The following GIGYF2 variants were observed in gnomAD, a reference collection of about 807,000 sequenced individuals.
GIGYF2 encodes GRB10 interacting GYF protein 2, also known as GRB10-interacting GYF protein 2.
In GIGYF2, 25 loss-of-function variants were observed where a neutral mutation model predicts 208.1. That is an observed-to-expected ratio of 0.12 (90% CI 0.09 to 0.17). The LOEUF (loss-of-function observed/expected upper bound fraction) is 0.17. Among genes scored for constraint, GIGYF2 ranks in the 10% least tolerant of loss-of-function variants. The pLI is 1.00. For missense variants in GIGYF2, 1,302 were observed against 1,579.4 expected, an observed-to-expected ratio of 0.82 and a Z score of 2.98; for synonymous variants, 534 against 543.8, an observed-to-expected ratio of 0.98 and a Z score of 0.25.
intron 14 of GIGYF2, 68 bp downstream of exon 14, chr2:232,796,289 ATTTG>A: frequency 2.0e-6 from 2 of 1,003,148 alleles, no homozygotes; most frequent in Admixed American, 1.7e-5. Flanking sequence ...CTAAGAAGGG[ATTTG>A]TTTAATTTAA....
rs1027680344 is a variant in GIGYF2 at position 232,791,066 on chromosome 2, A to G, written c.989A>G (p.Glu330Gly). ...GAGATGGACTTCCGGCCTGTGGACG[A>G]AGGGGAGGAGTGCTCTGACTCTGAG... ...EQEMDFRPVDEGEECSDSEGS... is the reference protein window; with the variant it reads ...EQEMDFRPVDGGEECSDSEGS... The change falls in exon 11 of 29, where the codon GAA becomes GGA. Residue 330 changes from glutamate to glycine, a missense_variant. Glu to Gly is a moderately conservative substitution (Grantham distance 98, BLOSUM62 -2). Coordinates refer to ENST00000373563, the MANE Select transcript of GIGYF2 (RefSeq NM_001103146.3). 3 of 1,614,058 alleles carry G rather than the reference A, an allele frequency of 1.9e-6. No individual in the cohort carries two copies. In the East Asian group the frequency reaches 6.7e-5, roughly 36 times the overall value.
chr2:232,797,562 A>G (rs1184805022), intron 14 of GIGYF2, among the ~76,000 whole-genome samples: 1 of 151,954 alleles, frequency 6.6e-6, no homozygotes, highest in Non-Finnish European at 1.5e-5. Flanking sequence ...TCATAGCTAT[A>G]TATGTAATTA....
chr2:232,773,370 C>T (rs1004559060), intron 8 of GIGYF2, among the ~76,000 whole-genome samples: 5 of 152,090 alleles, frequency 3.3e-5, no homozygotes, highest in East Asian at 1.9e-4. Flanking sequence ...CAGATGAAGT[C>T]ACTGGTGCTC....
chr2:232,843,736 AT>A (rs1701902207), intron 23 of GIGYF2, among the ~76,000 whole-genome samples: 1 of 151,778 alleles, frequency 6.6e-6, no homozygotes, highest in African/African-American at 2.4e-5. Flanking sequence ...TTAACCGGGC[AT>A]TGTGGCTTGA....
chr2:232,714,476 T>C (rs890552832), intron 2 of GIGYF2, among the ~76,000 whole-genome samples: 1 of 152,174 alleles, frequency 6.6e-6, no homozygotes, highest in African/African-American at 2.4e-5. Context: ...GGGGGTGCAG[T>C]CTATTTACTT....
intron 12 of GIGYF2, 64 bp from the exon 13 acceptor site, chr2:232,794,684 T>C (rs1700170827): frequency 7.9e-7 from 1 of 1,259,570 alleles, no homozygotes; most frequent in Non-Finnish European, 1.2e-6. Flanking sequence ...GACTTGATAA[T>C]GTAGTTAGCC....
intron 2 of GIGYF2, among the ~76,000 whole-genome samples, chr2:232,726,368 CA>C (rs1295867270): frequency 0.034 from 3,037 of 89,130 alleles, 57 homozygotes; most frequent in African/African-American, 0.087. Flanking sequence ...GGCTCTGTCT[CA>C]AAAAAAAAAA....
chr2:232,747,822 C>T, intron 4 of GIGYF2, 78 bp downstream of exon 4: 1 of 1,364,282 alleles, frequency 7.3e-7, no homozygotes, highest in Non-Finnish European at 1.0e-6. Flanking sequence ...TACATGAAAA[C>T]TGATTTATTT....
chr2:232,852,326 G>T (rs539551687), intron 28 of GIGYF2, among the ~76,000 whole-genome samples: 1 of 152,050 alleles, frequency 6.6e-6, no homozygotes, highest in Non-Finnish European at 1.5e-5. Flanking sequence ...CGGGTGGATC[G>T]CTTGAGGTCA....
At chr2:232,737,907 CTTTTTTTTTTTT>C (rs11320395) in intron 3 of GIGYF2, among the ~76,000 whole-genome samples, 1 of 85,218 alleles carries the variant, frequency 1.2e-5, no homozygotes, top group Non-Finnish European at 2.2e-5. Flanking sequence ...TAAGCTTTAA[CTTTTTTTTTTTT>C]TTTTTTTTTT....
At chr2:232,697,698 G>T (rs1156611436) in intron 1 of GIGYF2, among the ~76,000 whole-genome samples, 1 of 152,252 alleles carries the variant, frequency 6.6e-6, no homozygotes, top group Non-Finnish European at 1.5e-5. Context: ...ATTGCGAGGG[G>T]AGCCGAACAA....
intron 8 of GIGYF2, chr2:232,767,688 A>G (rs1574855339): frequency 6.2e-6 from 1 of 161,328 alleles, no homozygotes; most frequent in East Asian, 1.8e-4. Flanking sequence ...CTCAAGTTTC[A>G]TAGTATAAAG....
At chr2:232,711,208 C>G (rs912702037) in intron 2 of GIGYF2, among the ~76,000 whole-genome samples, 5 of 150,638 alleles carry the variant, frequency 3.3e-5, no homozygotes, top group Non-Finnish European at 5.9e-5. Flanking sequence ...CCACCTGTAC[C>G]TCCTGAGTAG....
chr2:232,793,976 T>C (rs1188676471), intron 12 of GIGYF2, among the ~76,000 whole-genome samples: 3 of 152,198 alleles, frequency 2.0e-5, no homozygotes, highest in African/African-American at 7.2e-5. Context: ...AGTCCCCTTA[T>C]AGCAGGTGTG....
At chr2:232,749,638 G>T (rs530927715) in intron 5 of GIGYF2, among the ~76,000 whole-genome samples, 1 of 152,018 alleles carries the variant, frequency 6.6e-6, no homozygotes, top group African/African-American at 2.4e-5. Context: ...AAGAGTTTCT[G>T]ATTTCAAGGA....
chr2:232,831,899 T>C (rs1193334607), intron 21 of GIGYF2, among the ~76,000 whole-genome samples: 1 of 152,216 alleles, frequency 6.6e-6, no homozygotes, highest in African/African-American at 2.4e-5. Context: ...TTGACCCCAG[T>C]TGGATCACAT....
At position 232,847,463 on chromosome 2, in the gene GIGYF2, T is replaced by C; in HGVS notation, c.3576T>C (p.Leu1192=). Residue 1192 remains leucine (L), a synonymous_variant, in exon 27 of 29, where the codon CTT becomes CTC. Coordinates refer to ENST00000373563, the MANE Select transcript of GIGYF2 (RefSeq NM_001103146.3). ...SEAKEFAKQF[L]ERRAKQKANQ... Reference sequence around the variant, plus strand: ...CCAAGGAGTTTGCCAAGCAGTTCCTTGAGCGCCGTGCCAAACAGAAAGCCA... The same window carrying C: ...CCAAGGAGTTTGCCAAGCAGTTCCTCGAGCGCCGTGCCAAACAGAAAGCCA... 6.2e-7 allele frequency: 1 copy of C among 1,613,836 alleles called. No individual in the cohort carries two copies. Among genetic ancestry groups the C allele is most frequent in the Admixed American group, 1.7e-5 (1 of 59,994 alleles).
intron 8 of GIGYF2, among the ~76,000 whole-genome samples, chr2:232,780,388 A>G (rs1489070788): frequency 1.3e-5 from 2 of 152,210 alleles, no homozygotes; most frequent in Non-Finnish European, 2.9e-5. Context: ...GCACCTTTAC[A>G]TAATTTGCTT....
intron 8 of GIGYF2, among the ~76,000 whole-genome samples, chr2:232,771,913 C>A (rs544370798): frequency 6.6e-6 from 1 of 152,152 alleles, no homozygotes; most frequent in African/African-American, 2.4e-5. Context: ...ACAAGGCTTA[C>A]ATTTGTGGTA....
Sources: allele counts gnomAD v4.1 joint callset (sites outside exome capture counted in the v4.1 genomes callset), GRCh38; gene constraint gnomAD v4.1.1; transcripts MANE v1.5; gene names NCBI Gene and HGNC (gene_info 2026-07-23, HGNC 2026-07-21).